ADCY8: variants seen among roughly 807,000 people sequenced by gnomAD.
ADCY8 encodes adenylate cyclase type 8.
Under a neutral mutation model 119.7 loss-of-function variants are expected in ADCY8, and 51 were observed. The observed-to-expected ratio is 0.43, with a 90% CI of 0.34 to 0.54. The LOEUF is 0.54. Among genes scored for constraint, ADCY8 ranks in the 20% least tolerant of loss-of-function variants. The probability of loss-of-function intolerance (pLI) is 0.03; values close to 1 mark genes in which losing one functional copy is unlikely to be tolerated. For missense variants in ADCY8, 1,383 were observed against 1,598.8 expected, an observed-to-expected ratio of 0.87 and a Z score of 2.30; for synonymous variants, 665 against 651.0, an observed-to-expected ratio of 1.02 and a Z score of -0.33.
intron 13 of ADCY8, 55 bp downstream of exon 13, chr8:130,821,286 TG>T: frequency 6.7e-7 from 1 of 1,481,720 alleles, no homozygotes; most frequent in Non-Finnish European, 9.4e-7. Context: ...GAGGCCAGTT[TG>T]ATGGTAACAA....
chr8:130,790,118 A>C (rs1420327944), intron 15 of ADCY8, among the ~76,000 whole-genome samples: 1 of 135,618 alleles, frequency 7.4e-6, no homozygotes. Context: ...ATCCCCACAC[A>C]TCATGGACAA....
chr8:130,966,983 C>A (rs1821781304), intron 2 of ADCY8, among the ~76,000 whole-genome samples: 1 of 151,754 alleles, frequency 6.6e-6, no homozygotes, highest in Non-Finnish European at 1.5e-5. Flanking sequence ...AAGGAATTAC[C>A]CAGAAAATAT....
intron 15 of ADCY8, among the ~76,000 whole-genome samples, chr8:130,793,866 TTAAATAGTGCC>T (rs1297695359): frequency 2.0e-5 from 3 of 152,140 alleles, no homozygotes; most frequent in Non-Finnish European, 4.4e-5. Flanking sequence ...CTATACTGGG[TTAAATAGTGCC>T]TCTCAAAAAT....
chr8:130,989,075 T>G (rs1399388555), intron 2 of ADCY8, among the ~76,000 whole-genome samples: 1 of 152,236 alleles, frequency 6.6e-6, no homozygotes, highest in Non-Finnish European at 1.5e-5. Flanking sequence ...TCATGTTTAT[T>G]GTACAAGGTG....
intron 2 of ADCY8, among the ~76,000 whole-genome samples, chr8:130,988,168 G>A (rs551827826): frequency 6.6e-6 from 1 of 152,244 alleles, no homozygotes; most frequent in East Asian, 1.9e-4. Flanking sequence ...TGTTTTTTCT[G>A]CCAGACTACA....
chr8:130,870,188 A>G (rs1021600987), intron 8 of ADCY8, among the ~76,000 whole-genome samples: 3 of 151,198 alleles, frequency 2.0e-5, no homozygotes, highest in African/African-American at 7.3e-5. Flanking sequence ...TAATTTTTGT[A>G]TTTTTAGTAG....
intron 12 of ADCY8, among the ~76,000 whole-genome samples, chr8:130,830,542 T>G (rs1375377809): frequency 6.6e-6 from 1 of 152,084 alleles, no homozygotes; most frequent in Admixed American, 6.5e-5. Flanking sequence ...GAGAGAGCTG[T>G]TTTCCTTTCT....
chr8:131,022,763 G>A lies in ADCY8; in HGVS notation c.960+16611C>T, dbSNP rs983143108. On this transcript the variant is annotated intron_variant, in intron 1 of 17. Coordinates refer to ENST00000286355, the MANE Select transcript of ADCY8 (RefSeq NM_001115.3). ...AGGGCCAACACAAGAGGCAGTCCAT[G>A]TAACAACAGATAAACTTTTCTTTCT... 4.6e-5 allele frequency among the ~76,000 whole-genome samples: 7 copies of A among 152,120 alleles called. No individual in the cohort carries two copies. The East Asian group carries it at 9.6e-4, about 21-fold the overall frequency.
At chr8:130,869,816 C>T (rs551639943) in intron 8 of ADCY8, among the ~76,000 whole-genome samples, 11 of 151,770 alleles carry the variant, frequency 7.2e-5, no homozygotes, top group South Asian at 2.1e-4. Flanking sequence ...TGCACCCGGC[C>T]GGCTACTGGT....
intron 7 of ADCY8, among the ~76,000 whole-genome samples, chr8:130,901,394 A>G (rs765379047): frequency 1.3e-5 from 2 of 152,182 alleles, no homozygotes; most frequent in African/African-American, 2.4e-5. Flanking sequence ...TGATGCCATT[A>G]AACATATTTC....
chr8:131,014,945 T>C (rs1364645063), intron 1 of ADCY8, among the ~76,000 whole-genome samples: 1 of 152,224 alleles, frequency 6.6e-6, no homozygotes, highest in East Asian at 1.9e-4. Context: ...TCACGGTTAT[T>C]GTGACAATGT....
chr8:130,845,895 T>G (rs1443384810), intron 11 of ADCY8, among the ~76,000 whole-genome samples: 1 of 152,006 alleles, frequency 6.6e-6, no homozygotes, highest in Admixed American at 6.6e-5. Flanking sequence ...GAGGAAGAAA[T>G]AAGATCAGGC....
intron 5 of ADCY8, 54 bp downstream of exon 5, chr8:130,937,019 C>T (rs1820807089): frequency 6.4e-7 from 1 of 1,557,700 alleles, no homozygotes; most frequent in Non-Finnish European, 8.7e-7. Flanking sequence ...GGTGAAGTGG[C>T]CTGTGATCGT....
At chr8:130,988,889 T>C (rs1822487723) in intron 2 of ADCY8, among the ~76,000 whole-genome samples, 1 of 152,234 alleles carries the variant, frequency 6.6e-6, no homozygotes, top group Non-Finnish European at 1.5e-5. Flanking sequence ...AGGCATCCCA[T>C]ACAACTCACC....
At chr8:130,988,899 C>A (rs1210318928) in intron 2 of ADCY8, among the ~76,000 whole-genome samples, 1 of 152,090 alleles carries the variant, frequency 6.6e-6, no homozygotes, top group African/African-American at 2.4e-5. Context: ...TACAACTCAC[C>A]CACAATTTCA....
At chr8:130,814,341 C>T in intron 13 of ADCY8, 114 bp from the exon 14 acceptor site, 1 of 1,120,332 alleles carries the variant, frequency 8.9e-7, no homozygotes, top group Non-Finnish European at 1.3e-6. Context: ...ACAAATGAAA[C>T]AGAGCCTGAT....
intron 2 of ADCY8, among the ~76,000 whole-genome samples, chr8:130,962,973 C>T (rs7014917): frequency 0.78 from 119,181 of 152,158 alleles, 50,098 homozygotes; most frequent in East Asian, 0.95. Context: ...TCACATTAAT[C>T]GTAAGAGGGA....
chr8:130,865,349 A>T (rs1332295266), intron 9 of ADCY8, among the ~76,000 whole-genome samples: 1 of 151,650 alleles, frequency 6.6e-6, no homozygotes, highest in Non-Finnish European at 1.5e-5. Flanking sequence ...ATATTTTAAA[A>T]TTTTTATTTA....
chr8:130,903,706 G>A (rs1011964804), intron 7 of ADCY8, 66 bp downstream of exon 7: 5 of 1,558,464 alleles, frequency 3.2e-6, no homozygotes, highest in Non-Finnish European at 4.4e-6. Context: ...TCTCTGAGGT[G>A]TCTGGATTGG....
Sources: gnomAD v4.1 joint callset for allele counts (sites outside exome capture counted in the v4.1 genomes callset) on GRCh38, gnomAD v4.1.1 for gene constraint, MANE v1.5 for transcripts, NCBI Gene and HGNC (gene_info 2026-07-23, HGNC 2026-07-21) for gene names.